The following AFM variants were observed in gnomAD, a reference collection of about 807,000 sequenced individuals.
The protein encoded by AFM is afamin, also known as alpha-Alb.
AFM carries 82 observed loss-of-function variants against 68.7 expected under a neutral mutation model. That is an observed-to-expected ratio of 1.19 (90% CI 1.00 to 1.43). The LOEUF (loss-of-function observed/expected upper bound fraction) is 1.43. Among genes scored for constraint, AFM ranks in the 40% most tolerant of loss-of-function variants. The pLI is 0.00. For synonymous variants in AFM, 250 were observed against 234.2 expected, an observed-to-expected ratio of 1.07 and a Z score of -0.61; for missense variants, 772 against 701.8, an observed-to-expected ratio of 1.10 and a Z score of -1.13.
intron 5 of AFM, 62 bp downstream of exon 5, chr4:73,487,161 C>A: frequency 1.3e-6 from 2 of 1,561,046 alleles, no homozygotes; most frequent in Non-Finnish European, 1.8e-6. Context: ...AGATCCAGAC[C>A]CTGACTTATA....
intron 6 of AFM, among the ~76,000 whole-genome samples, chr4:73,488,029 G>C (rs531758589): frequency 6.6e-6 from 1 of 152,080 alleles, no homozygotes; most frequent in Non-Finnish European, 1.5e-5. Flanking sequence ...AAAGAGAATG[G>C]TGGCTGGGTC....
chr4:73,481,857 G>C lies in AFM; in HGVS notation c.82G>C (p.Asp28His), dbSNP rs1327023385. 2 of 1,590,440 alleles carry C rather than the reference G, an allele frequency of 1.3e-6. No homozygotes were observed. Among genetic ancestry groups the C allele is most frequent in the African/African-American group, 2.7e-5 (2 of 73,688 alleles). Residue 28 changes from aspartate to histidine, a missense_variant, in exon 1 of 15, where the codon GAT becomes CAT. Coordinates refer to ENST00000226355, the MANE Select transcript of AFM (RefSeq NM_001133.2). ...CCTAACCCTGCCCACACAACCTCGG[G>C]ATATAGGTAAGAAATTTACTTGTAT... ...ESLTLPTQPRDIENFNSTQKF... is the reference protein window; with the variant it reads ...ESLTLPTQPRHIENFNSTQKF...
chr4:73,499,073 T>C (rs1489922769), intron 10 of AFM, 41 bp from the exon 11 acceptor site: 6 of 1,589,072 alleles, frequency 3.8e-6, no homozygotes, highest in Non-Finnish European at 5.2e-6. Flanking sequence ...AAAATGGGTA[T>C]CTGCTTTCAT....
intron 9 of AFM, among the ~76,000 whole-genome samples, chr4:73,496,130 C>T (rs549006923): frequency 1.3e-5 from 2 of 152,230 alleles, no homozygotes; most frequent in African/African-American, 2.4e-5. Context: ...CACAAGAGGC[C>T]AGAAGCCTGA....
intron 14 of AFM, 63 bp downstream of exon 14, chr4:73,503,173 T>C: frequency 7.9e-7 from 1 of 1,268,588 alleles, no homozygotes; most frequent in Non-Finnish European, 1.1e-6. Context: ...CTCCTTGCCT[T>C]TTCTCCCTCA....
intron 3 of AFM, among the ~76,000 whole-genome samples, 195 bp from the exon 4 acceptor site, chr4:73,485,655 GGGAGGAGGAGGA>G (rs557963699): frequency 7.0e-6 from 1 of 143,474 alleles, no homozygotes; most frequent in African/African-American, 2.6e-5. Context: ...GAAGAAGAAG[GGGAGGAGGAGGA>G]GGAGGAGGAG....
rs569242266 is a variant in AFM at position 73,491,917 on chromosome 4, A to T, written c.889A>T (p.Ser297Cys). 6.2e-6 allele frequency: 10 copies of T among 1,614,038 alleles called. 1 individual carries two copies. The South Asian group carries it at 9.9e-5, about 16-fold the overall frequency. The change falls in exon 8 of 15, where the codon AGC becomes TGC. Residue 297 changes from serine to cysteine, a missense_variant. Transcript: ENST00000226355. Reference protein sequence around the residue: ...HICSKQDSISSKIKECCEKKI... With the variant: ...HICSKQDSISCKIKECCEKKI... The stretch of plus-strand genomic sequence containing the variant: ...TTGTTCAAAACAAGATTCTATCTCC[A>T]GCAAAATCAAAGAGTGCTGTGAAAA...
At chr4:73,482,738 C>T (rs1251903062) in intron 1 of AFM, among the ~76,000 whole-genome samples, 1 of 152,136 alleles carries the variant, frequency 6.6e-6, no homozygotes, top group Non-Finnish European at 1.5e-5. Context: ...GCAAAGTCTC[C>T]TATGGCCTTC....
intron 4 of AFM, 65 bp from the exon 5 acceptor site, chr4:73,486,902 C>T: frequency 6.6e-7 from 1 of 1,514,918 alleles, no homozygotes; most frequent in Non-Finnish European, 9.0e-7. Context: ...CTTCCCTTGT[C>T]TACATTCATT....
At chr4:73,487,876 A>G (rs1720950475) in intron 6 of AFM, 55 bp downstream of exon 6, 2 of 1,265,992 alleles carry the variant, frequency 1.6e-6, no homozygotes, top group South Asian at 2.4e-5. Flanking sequence ...TCTGTGTCCC[A>G]TTTTTGTTAA....
Position 73,503,891 on chromosome 4 carries a change from T to C in AFM, c.*56T>C, listed in dbSNP as rs1208797422. 2 of 152,154 alleles carry C rather than the reference T, an allele frequency of 1.3e-5. No individual in the cohort carries two copies. Among genetic ancestry groups the C allele is most frequent in the Non-Finnish European group, 2.9e-5 (2 of 68,018 alleles). 9.4% of individuals were successfully genotyped at this position (152,154 alleles called of 1,614,324 possible). A position where few individuals can be genotyped will look rare whatever the true frequency, so the allele number is the denominator to read the frequency against. ...CTCTTTCCAGGGAAGGCTTCCTATCTGTGTGGTGATGAATCGCATTTCCTG... is the reference window on the plus strand; with the variant it reads ...CTCTTTCCAGGGAAGGCTTCCTATCCGTGTGGTGATGAATCGCATTTCCTG... On this transcript the variant is annotated 3_prime_UTR_variant, in exon 15 of 15. Coordinates refer to ENST00000226355, the MANE Select transcript of AFM (RefSeq NM_001133.2).
intron 3 of AFM, among the ~76,000 whole-genome samples, chr4:73,485,636 G>GA (rs1560408680): frequency 5.9e-4 from 73 of 123,650 alleles, no homozygotes; most frequent in African/African-American, 2.0e-3. Context: ...AGAAAAAGAA[G>GA]AGGAAGAAGA....
chr4:73,495,143 CA>C, intron 8 of AFM, 156 bp from the exon 9 acceptor site: 1 of 561,168 alleles, frequency 1.8e-6, no homozygotes, highest in Non-Finnish European at 2.9e-6. Flanking sequence ...GATCTATAGC[CA>C]AAATGTCCTC....
intron 9 of AFM, among the ~76,000 whole-genome samples, chr4:73,497,403 G>C (rs949779759): frequency 1.3e-5 from 2 of 152,000 alleles, no homozygotes; most frequent in Admixed American, 1.3e-4. Flanking sequence ...AATTTGGAAG[G>C]CTCTGAAATA....
Position 73,481,959 on chromosome 4 carries a change from C to T in AFM, c.88+96C>T, listed in dbSNP as rs1469501697. ...TTCTTTCAAGTTAATTCTTTACTTG[C>T]TTTTTTCACCCTCTCACTAATTTAC... is the stretch of plus-strand genomic sequence containing the variant. On this transcript the variant is annotated intron_variant, in intron 1 of 14. Coordinates refer to ENST00000226355, the MANE Select transcript of AFM (RefSeq NM_001133.2). 1.4e-5 allele frequency: 12 copies of T among 840,230 alleles called. No homozygotes were observed. In the East Asian group the frequency reaches 2.4e-4, roughly 17 times the overall value. 52.0% of individuals were successfully genotyped at this position (840,230 alleles called of 1,614,324 possible).
chr4:73,501,243 G>A (rs959510322), intron 12 of AFM, among the ~76,000 whole-genome samples: 30 of 151,890 alleles, frequency 2.0e-4, no homozygotes, highest in African/African-American at 7.0e-4. Flanking sequence ...TTGCTCCTTT[G>A]ACATCATTTT....
At chr4:73,493,543 A>G (rs1454100320) in intron 8 of AFM, among the ~76,000 whole-genome samples, 4 of 152,240 alleles carry the variant, frequency 2.6e-5, no homozygotes, top group Non-Finnish European at 2.9e-5. Context: ...TTTACTGAAT[A>G]CTTACTAAAT....
chr4:73,486,160 G>C (rs903653049), intron 4 of AFM, 87 bp downstream of exon 4: 41 of 1,113,330 alleles, frequency 3.7e-5, no homozygotes, highest in Non-Finnish European at 5.3e-5. Context: ...ATATGGCTGG[G>C]TTCATTAATT....
In AFM at chr4:73,489,268, TTCCTGTTCCCTC is replaced by T. The variant is rs1332311574; in HGVS notation, c.843+510_843+521del. ...TTTTCCTTACCTTCTCCCTTCCCTTTTCCTGTTCCCTCCCTTTTCCCTTTCATTTCTTTCCAC... is the reference window on the plus strand; with the variant it reads ...TTTTCCTTACCTTCTCCCTTCCCTTTCCTTTTCCCTTTCATTTCTTTCCAC... On this transcript the variant is annotated intron_variant, in intron 7 of 14. Transcript: ENST00000226355. Among the ~76,000 whole-genome samples, 3 of 152,258 alleles carry T rather than the reference TTCCTGTTCCCTC, an allele frequency of 2.0e-5. No homozygotes were observed. In the East Asian group the frequency reaches 5.8e-4, roughly 29 times the overall value.
Sources: allele counts gnomAD v4.1 joint callset (sites outside exome capture counted in the v4.1 genomes callset), GRCh38; gene constraint gnomAD v4.1.1; transcripts MANE v1.5; gene names NCBI Gene and HGNC (gene_info 2026-07-23, HGNC 2026-07-21).